The following CLMP variants were observed in gnomAD, a reference collection of about 807,000 sequenced individuals.
The protein encoded by CLMP is CXADR-like membrane protein.
In CLMP, 27 loss-of-function variants were observed where a neutral mutation model predicts 45.2. That is an observed-to-expected ratio of 0.60 (90% confidence interval 0.44 to 0.82). The LOEUF (loss-of-function observed/expected upper bound fraction) is 0.82, where lower values mean the gene tolerates loss of function less well. Among genes scored for constraint, CLMP ranks in the 40% least tolerant of loss-of-function variants. The pLI is 0.00. For synonymous variants in CLMP, 167 were observed against 171.4 expected (o/e 0.97, Z 0.20); for missense variants, 403 against 448.4 (o/e 0.90, Z 0.91).
chr11:123,186,233 C>T (rs1309532078), intron 1 of CLMP, among the ~76,000 whole-genome samples: 1 of 152,198 alleles, frequency 6.6e-6, no homozygotes, highest in Non-Finnish European at 1.5e-5. Flanking sequence ...TAAGAAATTA[C>T]TTGTCTGGAA....
intron 1 of CLMP, among the ~76,000 whole-genome samples, chr11:123,134,263 A>T (rs551706317): frequency 6.6e-6 from 1 of 152,088 alleles, no homozygotes; most frequent in Admixed American, 6.6e-5. Flanking sequence ...GTCTTAAAAA[A>T]AAAAAAAGTA....
At chr11:123,136,042 G>C in intron 1 of CLMP, 4 of 589,498 alleles carry the variant, frequency 6.8e-6, no homozygotes, top group Admixed American at 5.7e-5. Flanking sequence ...TTGTTCGCTC[G>C]TTTCTTCATC....
intron 5 of CLMP, among the ~76,000 whole-genome samples, chr11:123,075,327 T>C (rs1443513526): frequency 6.6e-6 from 1 of 152,046 alleles, no homozygotes; most frequent in African/African-American, 2.4e-5. Flanking sequence ...CCTCTTGATA[T>C]ATTTGCAGTT....
At chr11:123,148,448 A>G (rs1355446227) in intron 1 of CLMP, among the ~76,000 whole-genome samples, 4 of 152,238 alleles carry the variant, frequency 2.6e-5, no homozygotes, top group Non-Finnish European at 4.4e-5. Context: ...GAATGAGGAG[A>G]AAATCCAACC....
intron 1 of CLMP, among the ~76,000 whole-genome samples, chr11:123,171,602 A>G (rs996378455): frequency 1.3e-5 from 2 of 151,704 alleles, no homozygotes. Flanking sequence ...GTGCCAACAC[A>G]GCCGGCCAAT....
rs1591445515 is a variant in CLMP at position 123,071,500 on chromosome 11, G to C, written c.*1974C>G. 6.6e-6 allele frequency: 1 copy of C among 152,182 alleles called. No individual in the cohort carries two copies. The highest frequency in any genetic ancestry group is 2.1e-4 in the South Asian group (1 of 4,814). 9.4% of individuals were successfully genotyped at this position (152,182 alleles called of 1,614,324 possible). On this transcript the variant is annotated 3_prime_UTR_variant, in exon 7 of 7. Transcript: ENST00000448775. ...CACTGTGGGAGGCCAAGGGTGGGTAGGTCACTTGAGGTCAGGAGCTTGAGA... is the reference window on the plus strand; with the variant it reads ...CACTGTGGGAGGCCAAGGGTGGGTACGTCACTTGAGGTCAGGAGCTTGAGA...
At chr11:123,087,911 C>T (rs968170968) in intron 2 of CLMP, among the ~76,000 whole-genome samples, 51 of 144,158 alleles carry the variant, frequency 3.5e-4, no homozygotes, top group African/African-American at 1.3e-3. Flanking sequence ...CGTTTTGTTT[C>T]TTTTTTTTTT....
Position 123,098,984 on chromosome 11 carries a change from C to T in CLMP, c.29-1032G>A, listed in dbSNP as rs552529813. Among the ~76,000 whole-genome samples the T allele has an allele frequency of 1.1e-3, 163 of 152,062 alleles. 1 individual carries two copies. Among genetic ancestry groups the T allele is most frequent in the African/African-American group, 3.8e-3 (156 of 41,470 alleles). On this transcript the variant is annotated intron_variant, in intron 1 of 6. Transcript: ENST00000448775. The stretch of plus-strand genomic sequence containing the variant: ...CTGGGATTGCAGGCGTGAGCCACCG[C>T]GTCCGGCCGTGCTGGCTAATTTTTT...
At chr11:123,134,228 CCA>C (rs1861034897) in intron 1 of CLMP, among the ~76,000 whole-genome samples, 1 of 151,600 alleles carries the variant, frequency 6.6e-6, no homozygotes, top group Non-Finnish European at 1.5e-5. Flanking sequence ...CCACTGCACT[CCA>C]GCCTGGGCGA....
chr11:123,159,870 G>T (rs1861461446), intron 1 of CLMP, among the ~76,000 whole-genome samples: 1 of 152,194 alleles, frequency 6.6e-6, no homozygotes, highest in Admixed American at 6.5e-5. Flanking sequence ...TTTACATCTA[G>T]CACATTGGTT....
intron 1 of CLMP, among the ~76,000 whole-genome samples, chr11:123,105,000 G>GT (rs1860521790): frequency 6.6e-6 from 1 of 152,204 alleles, no homozygotes; most frequent in African/African-American, 2.4e-5. Context: ...GGTGGCAGTG[G>GT]TAAGGACTGC....
intron 1 of CLMP, among the ~76,000 whole-genome samples, chr11:123,150,627 G>GA (rs1861324880): frequency 6.7e-6 from 1 of 149,394 alleles, no homozygotes; most frequent in African/African-American, 2.5e-5. Flanking sequence ...GGAAGGAAAG[G>GA]AAGGAAGGAA....
chr11:123,157,839 A>G (rs532886384), intron 1 of CLMP, among the ~76,000 whole-genome samples: 1 of 151,878 alleles, frequency 6.6e-6, no homozygotes, highest in Admixed American at 6.6e-5. Flanking sequence ...TTGGATGTTA[A>G]GTGCAAGTGG....
chr11:123,091,599 A>T (rs1865932862), intron 2 of CLMP, among the ~76,000 whole-genome samples: 1 of 152,184 alleles, frequency 6.6e-6, no homozygotes. Flanking sequence ...GGAGAAGCCT[A>T]TGCACGTCTC....
At chr11:123,147,473 TCACC>T (rs1861254630) in intron 1 of CLMP, among the ~76,000 whole-genome samples, 1 of 152,222 alleles carries the variant, frequency 6.6e-6, no homozygotes, top group African/African-American at 2.4e-5. Flanking sequence ...AGATGGGGTC[TCACC>T]GTGTTGCCCA....
chr11:123,072,085 T>G lies in CLMP; in HGVS notation c.*1389A>C, dbSNP rs1299151830. The stretch of plus-strand genomic sequence containing the variant: ...TCCAGCCCAGAGCTAGACTTCTGGA[T>G]GCTGAGCCTGGGAAAATACTGAATT... On this transcript the variant is annotated 3_prime_UTR_variant, in exon 7 of 7. Coordinates refer to ENST00000448775, the MANE Select transcript of CLMP (RefSeq NM_024769.5). 1 of 152,256 alleles carries G rather than the reference T, an allele frequency of 6.6e-6. No homozygotes were observed. Among genetic ancestry groups the G allele is most frequent in the African/African-American group, 2.4e-5 (1 of 41,468 alleles). The allele number at this position is 152,256 out of a possible 1,614,324, so 9.4% of individuals were successfully genotyped here.
chr11:123,097,797 C>A lies in CLMP; in HGVS notation c.184G>T (p.Val62Leu). 4 of 1,587,918 alleles carry A rather than the reference C, an allele frequency of 2.5e-6. No homozygotes were observed. Among genetic ancestry groups the A allele is most frequent in the South Asian group, 1.1e-5 (1 of 87,224 alleles). Residue 62 changes from valine to leucine, a missense_variant and splice_region_variant, in exon 2 of 7, where the codon GTG becomes TTG. Physicochemically the swap from Val to Leu is conservative, Grantham distance 32. Transcript: ENST00000448775. ...LLTDNEGNQK[V>L]VITYSSRHVY... ...ACTCCAGCCAGGTGTCTACTTACCA[C>A]TTTTTGGTTCCCTTCATTATCGGTG...
chr11:123,167,442 C>T (rs936221208), intron 1 of CLMP, among the ~76,000 whole-genome samples: 2 of 152,092 alleles, frequency 1.3e-5, no homozygotes, highest in African/African-American at 2.4e-5. Flanking sequence ...CCCACCACCA[C>T]GCCTGGCTAA....
intron 1 of CLMP, among the ~76,000 whole-genome samples, chr11:123,130,693 G>T (rs1860972772): frequency 2.1e-5 from 3 of 146,122 alleles, no homozygotes; most frequent in African/African-American, 7.5e-5. Context: ...CTGTGGAAAA[G>T]GGTTGGGGAA....
Sources: allele counts gnomAD v4.1 joint callset (sites outside exome capture counted in the v4.1 genomes callset), GRCh38; gene constraint gnomAD v4.1.1; transcripts MANE v1.5; gene names NCBI Gene and HGNC (gene_info 2026-07-23, HGNC 2026-07-21).